The following NHSL1 variants were observed in gnomAD, a reference collection of about 807,000 sequenced individuals.
NHSL1 encodes NHS-like protein 1.
NHSL1 carries 48 observed loss-of-function variants against 95.0 expected under a neutral mutation model. The observed-to-expected ratio is 0.51, with a 90% CI of 0.40 to 0.64. NHSL1 has a LOEUF of 0.64. Ranked by LOEUF, NHSL1 falls within the 30% of genes least tolerant of loss-of-function variation. The probability of loss-of-function intolerance (pLI) is 0.00; values close to 1 mark genes in which losing one functional copy is unlikely to be tolerated. For synonymous variants in NHSL1, 783 were observed against 833.9 expected (o/e 0.94, Z 1.05); for missense variants, 1,971 against 2,077.7 (o/e 0.95, Z 1.00).
chr6:138,573,089 G>A (rs1354516723), upstream of NHSL1, among the ~76,000 whole-genome samples: 1 of 152,106 alleles, frequency 6.6e-6, no homozygotes, highest in East Asian at 1.9e-4. Flanking sequence ...CGTATCACTG[G>A]GAGCCCCTGG....
chr6:138,684,390 G>A (rs908122512), intron 1 of NHSL1, among the ~76,000 whole-genome samples: 1 of 152,250 alleles, frequency 6.6e-6, no homozygotes, highest in Non-Finnish European at 1.5e-5. Context: ...ACTCAAGCCT[G>A]TAATCCCAGC....
intron 1 of NHSL1, among the ~76,000 whole-genome samples, chr6:138,666,715 A>AT (rs1163438126): frequency 1.3e-5 from 2 of 151,842 alleles, no homozygotes; most frequent in African/African-American, 2.4e-5. Context: ...GATCCCAGTC[A>AT]TTTTTTTTAA....
At chr6:138,577,732 G>A (rs1783992682) in intron 1 of NHSL1, among the ~76,000 whole-genome samples, 1 of 152,108 alleles carries the variant, frequency 6.6e-6, no homozygotes, top group Admixed American at 6.5e-5. Context: ...CATCTCCTGT[G>A]AATAATTTAA....
At chr6:138,613,057 CA>C (rs1784534977) in intron 1 of NHSL1, among the ~76,000 whole-genome samples, 1 of 152,132 alleles carries the variant, frequency 6.6e-6, no homozygotes, top group South Asian at 2.1e-4. Flanking sequence ...ACCACCACAC[CA>C]GGCCCATTTT....
In NHSL1 at chr6:138,685,719, A is replaced by G. The variant is rs1785576965; in HGVS notation, c.96+6757T>C. Among the ~76,000 whole-genome samples the G allele has an allele frequency of 2.0e-5, 3 of 152,106 alleles. No individual in the cohort carries two copies. In the South Asian group the frequency reaches 6.2e-4, roughly 32 times the overall value. Reference sequence around the variant, plus strand: ...ATAAATAAATAATTTTTTAATGTAAAGAGTCCATAGAGTCATGAAGAGTTT... The same window carrying G: ...ATAAATAAATAATTTTTTAATGTAAGGAGTCCATAGAGTCATGAAGAGTTT... On this transcript the variant is annotated intron_variant, in intron 1 of 3. Transcript: ENST00000491526.
intron 7 of NHSL1, among the ~76,000 whole-genome samples, chr6:138,425,374 G>A (rs1434186685): frequency 6.6e-6 from 1 of 152,172 alleles, no homozygotes; most frequent in Non-Finnish European, 1.5e-5. Flanking sequence ...TGGGATTATA[G>A]GCGTGAGCCA....
intron 1 of NHSL1, among the ~76,000 whole-genome samples, chr6:138,632,626 A>ACCCGGGGGAGTCTAAATCCCCGAAGGGAT: frequency 6.6e-6 from 1 of 152,324 alleles, no homozygotes; most frequent in South Asian, 2.1e-4. Flanking sequence ...TGTTACCTCT[A>ACCCGGGGGAGTCTAAATCCCCGAAGGGAT]CGAGTCTGAA....
rs141524161 is a variant in NHSL1, at chr6:138,681,073, C to T, written c.96+11403G>A. ...AATCAAAAGACTTCCCTAACAACAA[C>T]GAAATGTAACTGAGATCTCACAAAA... On this transcript the variant is annotated intron_variant, in intron 1 of 3. Coordinates refer to the NHSL1 transcript ENST00000491526. 1.3e-4 allele frequency among the ~76,000 whole-genome samples: 20 copies of T among 152,118 alleles called. 1 individual carries two copies. The highest frequency in any genetic ancestry group is 4.1e-4 in the African/African-American group (17 of 41,498).
chr6:138,659,368 G>A (rs188213553), intron 1 of NHSL1, among the ~76,000 whole-genome samples: 2 of 152,010 alleles, frequency 1.3e-5, no homozygotes, highest in East Asian at 3.9e-4. Flanking sequence ...AATTCTTAAT[G>A]TTTGTAAAAA....
At chr6:138,684,455 G>A (rs562504537) in intron 1 of NHSL1, among the ~76,000 whole-genome samples, 1 of 152,202 alleles carries the variant, frequency 6.6e-6, no homozygotes, top group East Asian at 1.9e-4. Context: ...AGACCAGCCT[G>A]GCCAACATGG....
chr6:138,614,145 T>C (rs145218349), intron 1 of NHSL1, among the ~76,000 whole-genome samples: 1 of 152,344 alleles, frequency 6.6e-6, no homozygotes, highest in African/African-American at 2.4e-5. Context: ...TGATATAATT[T>C]TGGCCAATGT....
At chr6:138,670,939 G>C (rs1785359956) in intron 1 of NHSL1, among the ~76,000 whole-genome samples, 1 of 151,644 alleles carries the variant, frequency 6.6e-6, no homozygotes, top group African/African-American at 2.4e-5. Context: ...AAGGATTGCT[G>C]AGGCCAGGAG....
chr6:138,511,816 T>C (rs1018943656), intron 1 of NHSL1, among the ~76,000 whole-genome samples: 3 of 152,040 alleles, frequency 2.0e-5, no homozygotes, highest in Non-Finnish European at 4.4e-5. Flanking sequence ...CACGCCTGCC[T>C]GTAATCCTAG....
chr6:138,598,664 T>C (rs1487213016), intron 1 of NHSL1, among the ~76,000 whole-genome samples: 2 of 151,574 alleles, frequency 1.3e-5, no homozygotes, highest in Non-Finnish European at 2.9e-5. Context: ...TTTTTCTTTC[T>C]TCTAAGAACT....
upstream of NHSL1, among the ~76,000 whole-genome samples, chr6:138,572,714 C>CTGAACT (rs966458374): frequency 6.6e-6 from 1 of 152,238 alleles, no homozygotes; most frequent in African/African-American, 2.4e-5. Flanking sequence ...GCTCAAACTT[C>CTGAACT]TGAACTTTAG....
In NHSL1 at chr6:138,433,178, G is replaced by A. The variant is rs1775831804; in HGVS notation, c.1167C>T (p.His389=). 1.3e-6 allele frequency: 2 copies of A among 1,551,270 alleles called. No homozygotes were observed. The highest frequency in any genetic ancestry group is 1.7e-6 in the Non-Finnish European group (2 of 1,146,716). The change falls in exon 6 of 8, where the codon CAC becomes CAT. Residue 389 remains histidine, a synonymous_variant. Coordinates refer to ENST00000343505, the MANE Select transcript of NHSL1 (RefSeq NM_001144060.2). ...GGCTCATTATATTTTCACTCTCGAA[G>A]TGTCTCAACTCCTGGGATTTGGGTC... ...LLRPKSQELR[H]FESENIMSPA...
chr6:138,466,047 G>GGGGC (rs1419281998), intron 3 of NHSL1, among the ~76,000 whole-genome samples: 1 of 146,522 alleles, frequency 6.8e-6, no homozygotes. Context: ...TTTTTGGGGG[G>GGGGC]GGGGCAGGGG....
intron 1 of NHSL1, among the ~76,000 whole-genome samples, chr6:138,660,829 C>T (rs534649567): frequency 7.4e-4 from 113 of 151,794 alleles, no homozygotes; most frequent in African/African-American, 2.6e-3. Flanking sequence ...CACGATGGCT[C>T]ATGCCTGTAA....
intron 2 of NHSL1, among the ~76,000 whole-genome samples, chr6:138,480,641 G>A (rs1256286661): frequency 6.6e-6 from 1 of 152,024 alleles, no homozygotes. Flanking sequence ...AACTGAATGT[G>A]GTTTATTTTT....
Sources: gnomAD v4.1 joint callset for allele counts (sites outside exome capture counted in the v4.1 genomes callset) on GRCh38, gnomAD v4.1.1 for gene constraint, MANE v1.5 for transcripts, NCBI Gene and HGNC (gene_info 2026-07-23, HGNC 2026-07-21) for gene names.